MCM5: variants seen among roughly 807,000 people sequenced by gnomAD.
The protein encoded by MCM5 is DNA replication licensing factor MCM5.
In MCM5, 46 loss-of-function variants were observed where a neutral mutation model predicts 79.9. The observed-to-expected ratio is 0.58, with a 90% CI of 0.45 to 0.74. The LOEUF is 0.74. Among genes scored for constraint, MCM5 ranks in the 30% least tolerant of loss-of-function variants. The probability of loss-of-function intolerance (pLI) is 0.00; values close to 1 mark genes in which losing one functional copy is unlikely to be tolerated. For synonymous variants in MCM5, 404 were observed against 390.5 expected (o/e 1.03, Z -0.41); for missense variants, 883 against 1,017.0 (o/e 0.87, Z 1.79).
chr22:35,431,547 C>G, the MCM5 span, among the ~76,000 whole-genome samples: 1 of 152,186 alleles, frequency 6.6e-6, no homozygotes, highest in African/African-American at 2.4e-5. Context: ...CCCAGCCACC[C>G]TGGAGGTGAC....
chr22:35,425,941 C>T (rs1051767693), downstream of MCM5, among the ~76,000 whole-genome samples: 3 of 152,098 alleles, frequency 2.0e-5, no homozygotes, highest in Admixed American at 2.0e-4. Context: ...AGGCTTCAAA[C>T]CTGGTGGCTC....
Position 35,406,645 on chromosome 22 carries a change from C to T in MCM5, c.516C>T (p.Cys172=). Residue 172 remains cysteine (C), a synonymous_variant, in exon 5 of 17, where the codon TGC becomes TGT. Coordinates refer to ENST00000216122, the MANE Select transcript of MCM5 (RefSeq NM_006739.4). ...AGGCCACCCGCATCTCTATCCAGTG[C>T]CGCAGCTGCCGCAACACCCTCACCA... ...RAKATRISIQ[C]RSCRNTLTNI... is the part of the protein sequence containing the mutation. The T allele has an allele frequency of 1.2e-6, 2 of 1,612,306 alleles. No homozygotes were observed. The highest frequency in any genetic ancestry group is 8.5e-7 in the Non-Finnish European group (1 of 1,180,002).
chr22:35,431,677 C>G, the MCM5 span, among the ~76,000 whole-genome samples: 1 of 152,096 alleles, frequency 6.6e-6, no homozygotes, highest in African/African-American at 2.4e-5. Flanking sequence ...GCACGCAGCC[C>G]TAAGGTTCCC....
the MCM5 span, among the ~76,000 whole-genome samples, chr22:35,449,560 T>C: frequency 0.017 from 2,278 of 132,864 alleles, 58 homozygotes; most frequent in South Asian, 0.093. Flanking sequence ...CGTGGCCTCT[T>C]TGTCCCAGCT....
At chr22:35,426,286 G>C (rs928627322), downstream of MCM5, among the ~76,000 whole-genome samples, 1 of 152,216 alleles carries the variant, frequency 6.6e-6, no homozygotes, top group African/African-American at 2.4e-5. Context: ...CTGCTTGTTG[G>C]GGAAAGCAAA....
At chr22:35,451,194 C>A in the MCM5 span, among the ~76,000 whole-genome samples, 10 of 152,374 alleles carry the variant, frequency 6.6e-5, no homozygotes, top group South Asian at 2.1e-3. Flanking sequence ...CACTTGCAAC[C>A]TCAGGATGCT....
At chr22:35,416,055 C>T in intron 10 of MCM5, 83 bp downstream of exon 10, 1 of 1,521,982 alleles carries the variant, frequency 6.6e-7, no homozygotes, top group Non-Finnish European at 9.0e-7. Flanking sequence ...GCAGAAATCA[C>T]CTCTGACTTG....
rs1278842134 is a variant in MCM5, at chr22:35,418,273, G to A, written c.1703+417G>A. ...TTGTAAGGATTGCACAAGATGATGA[G>A]TAAGTGCTTGGCATAGCCCTGCCCT... On this transcript the variant is annotated intron_variant, in intron 13 of 16. Coordinates refer to ENST00000216122, the MANE Select transcript of MCM5 (RefSeq NM_006739.4). Among the ~76,000 whole-genome samples the A allele has an allele frequency of 3.3e-5, 5 of 152,190 alleles. No homozygotes were observed. The East Asian group carries it at 9.6e-4, about 29-fold the overall frequency.
In MCM5 at chr22:35,416,618, C is replaced by T. The variant is rs891746753; in HGVS notation, c.1414-20C>T. 5.6e-6 allele frequency: 9 copies of T among 1,602,246 alleles called. No individual in the cohort carries two copies. In the East Asian group the frequency reaches 6.8e-5, roughly 12 times the overall value. On this transcript the variant is annotated intron_variant, in intron 11 of 16. Transcript: ENST00000216122. The stretch of plus-strand genomic sequence containing the variant: ...ATCTTTGCCATCTCCTCCCCCTTTT[C>T]GTCGTCTGTCGCCTGTTAGGCTGGG...
the MCM5 span, among the ~76,000 whole-genome samples, chr22:35,444,191 C>A: frequency 3.3e-5 from 4 of 122,792 alleles, no homozygotes; most frequent in East Asian, 9.5e-4. Context: ...GAGAAGAGAA[C>A]AGAGAAAAGA....
chr22:35,416,549 G>C (rs908929491), intron 11 of MCM5, 89 bp from the exon 12 acceptor site: 4 of 844,158 alleles, frequency 4.7e-6, no homozygotes, highest in Non-Finnish European at 7.6e-6. Flanking sequence ...GTGTGTGTGT[G>C]TGTGTGTGTG....
intron 14 of MCM5, 62 bp downstream of exon 14, chr22:35,420,074 C>A: frequency 6.5e-7 from 1 of 1,527,100 alleles, no homozygotes; most frequent in Non-Finnish European, 8.8e-7. Flanking sequence ...GCAGGGTGTG[C>A]TTGGCAACCA....
chr22:35,442,674 T>G, the MCM5 span, among the ~76,000 whole-genome samples: 2 of 152,230 alleles, frequency 1.3e-5, no homozygotes, highest in Non-Finnish European at 2.9e-5. Flanking sequence ...TGGCTCTGCC[T>G]CCTGCCTCCT....
At chr22:35,419,793 T>C (rs1408156187) in intron 13 of MCM5, 91 bp from the exon 14 acceptor site, 3 of 1,377,982 alleles carry the variant, frequency 2.2e-6, no homozygotes, top group South Asian at 1.5e-5. Context: ...GGAAAGTGCA[T>C]GTCTGTAAGC....
chr22:35,416,187 G>C, intron 10 of MCM5, 152 bp from the exon 11 acceptor site: 1 of 928,110 alleles, frequency 1.1e-6, no homozygotes, highest in Non-Finnish European at 1.7e-6. Context: ...CCACACAGTT[G>C]TTCCCATGAT....
chr22:35,410,908 C>T lies in MCM5; in HGVS notation c.917C>T (p.Ser306Phe), dbSNP rs1248417508. Residue 306 changes from serine to phenylalanine, a missense_variant and splice_region_variant, in exon 7 of 17, where the codon TCT becomes TTT. By Grantham distance (155) the Ser-to-Phe change is radical. This residue lies in a region of MCM5 where 455 missense variants were observed against 517.5 expected (regional missense o/e 0.88). Coordinates refer to ENST00000216122, the MANE Select transcript of MCM5 (RefSeq NM_006739.4). Reference protein sequence around the residue: ...VLGIQVDTDGSGRSFAGAVSP... With the variant: ...VLGIQVDTDGFGRSFAGAVSP... ...GGCATCCAGGTGGACACAGATGGCT[C>T]TGGTGAGTTGGCTTTGGGGTCCTGG... 1.9e-6 allele frequency: 3 copies of T among 1,594,574 alleles called. No homozygotes were observed. The highest frequency in any genetic ancestry group is 2.6e-6 in the Non-Finnish European group (3 of 1,167,448).
At chr22:35,449,053 G>A in the MCM5 span, among the ~76,000 whole-genome samples, 1 of 152,190 alleles carries the variant, frequency 6.6e-6, no homozygotes, top group Non-Finnish European at 1.5e-5. Flanking sequence ...ATGAGGCAAA[G>A]CCACAGGAGG....
intron 8 of MCM5, 108 bp downstream of exon 8, chr22:35,412,789 G>C (rs908398047): frequency 1.1e-5 from 11 of 1,016,834 alleles, no homozygotes; most frequent in Non-Finnish European, 2.6e-6. Context: ...TATTTCCTGG[G>C]CCCCTCAGTC....
chr22:35,419,946 T>G lies in MCM5; in HGVS notation c.1766T>G (p.Met589Arg). 1 of 1,613,308 alleles carries G rather than the reference T, an allele frequency of 6.2e-7. No homozygotes were observed. Among genetic ancestry groups the G allele is most frequent in the Non-Finnish European group, 8.5e-7 (1 of 1,179,712 alleles). ...AAACTGAAGAACCGCTACATCATCA[T>G]GCGGAGCGGGGCCCGTCAGCACGAG... ...AEKLKNRYII[M>R]RSGARQHERD... Residue 589 changes from methionine to arginine, a missense_variant, in exon 14 of 17, where the codon ATG (methionine) becomes AGG (arginine). Physicochemically the swap from Met to Arg is moderately conservative, Grantham distance 91. Transcript: ENST00000216122.
Sources: allele counts gnomAD v4.1 joint callset (sites outside exome capture counted in the v4.1 genomes callset), GRCh38; gene constraint gnomAD v4.1.1; regional missense constraint gnomAD v4.1.1; transcripts MANE v1.5; gene names NCBI Gene and HGNC (gene_info 2026-07-23, HGNC 2026-07-21).